Variants in PKHD1L1 observed in about 807,000 individuals in gnomAD.
The protein encoded by PKHD1L1 is fibrocystin-L.
PKHD1L1 carries 434 observed loss-of-function variants against 462.9 expected under a neutral mutation model. That is an observed-to-expected ratio of 0.94 (90% CI 0.87 to 1.02). PKHD1L1 has a LOEUF of 1.02. Among genes scored for constraint, PKHD1L1 ranks in the 50% least tolerant of loss-of-function variants. The pLI is 0.00. For missense variants in PKHD1L1, 5,202 were observed against 5,096.1 expected (o/e 1.02, Z -0.63); for synonymous variants, 1,781 against 1,750.0 (o/e 1.02, Z -0.44).
Position 109,464,733 on chromosome 8 carries a change from A to G in PKHD1L1, c.7901A>G (p.Gln2634Arg), listed in dbSNP as rs776431128. ...MWIFEEYFPMQTGSCTSTVPA... is the reference protein window; with the variant it reads ...MWIFEEYFPMRTGSCTSTVPA... ...ATCTTTGAGGAATATTTCCCCATGC[A>G]AACGGGATCTTGTACATCTACAGTG... is the stretch of plus-strand genomic sequence containing the variant. The change falls in exon 49 of 78, where the codon CAA becomes CGA. Residue 2634 changes from glutamine to arginine, a missense_variant. This residue lies in a region of PKHD1L1 where 4,497 missense variants were observed against 4,336.8 expected (regional missense o/e 1.04). Coordinates refer to ENST00000378402, the MANE Select transcript of PKHD1L1 (RefSeq NM_177531.6). The G allele has an allele frequency of 2.5e-6, 4 of 1,613,774 alleles. No homozygotes were observed. In the African/African-American group the frequency reaches 4.0e-5, roughly 16 times the overall value.
In PKHD1L1 at chr8:109,396,756, A is replaced by G. The variant is rs140806588; in HGVS notation, c.922+619A>G. Among the ~76,000 whole-genome samples, 44 of 152,304 alleles carry G rather than the reference A, an allele frequency of 2.9e-4. No individual in the cohort carries two copies. In the East Asian group the frequency reaches 7.7e-3, roughly 27 times the overall value. On this transcript the variant is annotated intron_variant, in intron 11 of 77. Transcript: ENST00000378402. ...AAAAGAGGTGAATGTGATTGTGGGA[A>G]TCTTCCCATTCAGCCATAATGACAT... is the stretch of plus-strand genomic sequence containing the variant.
intron 19 of PKHD1L1, 75 bp from the exon 20 acceptor site, chr8:109,412,189 TG>T (rs1210939980): frequency 2.0e-6 from 3 of 1,475,750 alleles, no homozygotes; most frequent in Non-Finnish European, 2.8e-6. Flanking sequence ...GAACCTTGAG[TG>T]GTTTGGGTGC....
intron 63 of PKHD1L1, among the ~76,000 whole-genome samples, chr8:109,496,498 A>G (rs976156025): frequency 6.6e-6 from 1 of 152,214 alleles, no homozygotes; most frequent in East Asian, 1.9e-4. Context: ...TTAATCTTTA[A>G]TCAGATAAAA....
rs1326796338 is a variant in PKHD1L1 at position 109,536,069 on chromosome 8, G to A, written c.*5979G>A. Among the ~76,000 whole-genome samples the A allele has an allele frequency of 2.0e-5, 3 of 152,154 alleles. No homozygotes were observed. Among genetic ancestry groups the A allele is most frequent in the Non-Finnish European group, 4.4e-5 (3 of 68,020 alleles). ...GTTTCCCTTTGTTAATATATTGCTA[G>A]TAGACATGTCTACTTCTGGTTGCTG... On this transcript the variant is annotated 3_prime_UTR_variant, in exon 78 of 78. Transcript: ENST00000378402.
At chr8:109,365,153 G>A (rs1811168580) in intron 2 of PKHD1L1, among the ~76,000 whole-genome samples, 1 of 152,136 alleles carries the variant, frequency 6.6e-6, no homozygotes, top group Non-Finnish European at 1.5e-5. Flanking sequence ...CCTGGTCTTA[G>A]GATGAAATGT....
rs201698307 is a variant in PKHD1L1, at chr8:109,400,215, A to T, written c.1152A>T (p.Glu384Asp). The change falls in exon 13 of 78, where the codon GAA becomes GAT. Residue 384 changes from glutamate to aspartate, a missense_variant. Around this residue, in one of 3 missense-constraint regions of PKHD1L1, gnomAD observed 4,497 missense variants for 4,336.8 expected, o/e 1.04. Coordinates refer to ENST00000378402, the MANE Select transcript of PKHD1L1 (RefSeq NM_177531.6). ...VDSASYIWLM[E>D]QDTFVARFSG... is the part of the protein sequence containing the mutation. ...CAGCTTCCTATATTTGGCTCATGGAACAAGACACATTTGTTGCACGCTTTA... is the reference window on the plus strand; with the variant it reads ...CAGCTTCCTATATTTGGCTCATGGATCAAGACACATTTGTTGCACGCTTTA... 417 of 1,613,566 alleles carry T rather than the reference A, an allele frequency of 2.6e-4. No homozygotes were observed. Among genetic ancestry groups the T allele is most frequent in the Non-Finnish European group, 2.9e-4 (338 of 1,179,694 alleles).
intron 2 of PKHD1L1, among the ~76,000 whole-genome samples, chr8:109,375,566 G>A (rs1811772003): frequency 6.6e-6 from 1 of 152,178 alleles, no homozygotes; most frequent in African/African-American, 2.4e-5. Flanking sequence ...CTTTGGAGGA[G>A]GAGAGGTGCT....
At chr8:109,477,467 G>T in intron 53 of PKHD1L1, 71 bp downstream of exon 53, 1 of 1,345,558 alleles carries the variant, frequency 7.4e-7, no homozygotes, top group South Asian at 1.4e-5. Flanking sequence ...GTCACTCCTG[G>T]GTGAAATAAT....
intron 73 of PKHD1L1, among the ~76,000 whole-genome samples, chr8:109,519,884 C>T (rs1820460121): frequency 1.3e-5 from 2 of 152,150 alleles, no homozygotes; most frequent in African/African-American, 4.8e-5. Flanking sequence ...TGTTCAGTCA[C>T]TTTATCATTA....
chr8:109,530,092 G>A lies in PKHD1L1; in HGVS notation c.*2G>A, dbSNP rs1488789888. On this transcript the variant is annotated 3_prime_UTR_variant, in exon 78 of 78. Transcript: ENST00000378402. Reference sequence around the variant, plus strand: ...TTCCATTTTTCAGGAAGCTACTAAAGTGCTGTTCCGAAGAATAGGCTGAAA... The same window carrying A: ...TTCCATTTTTCAGGAAGCTACTAAAATGCTGTTCCGAAGAATAGGCTGAAA... The A allele has an allele frequency of 7.3e-7, 1 of 1,363,402 alleles. No individual in the cohort carries two copies. The highest frequency in any genetic ancestry group is 9.6e-7 in the Non-Finnish European group (1 of 1,039,000). The allele number at this position is 1,363,402 out of a possible 1,614,324, so 84.5% of individuals were successfully genotyped here.
In PKHD1L1 at chr8:109,445,575, T is replaced by C; in HGVS notation, c.5706T>C (p.Ala1902=). ...TTAAAATCTTTGTTAATACAATTGC[T>C]TATCCACCTTTGCTTTTTACATATG... ...VDVKIFVNTI[A]YPPLLFTYAL... is the part of the protein sequence containing the mutation. The change falls in exon 38 of 78, where the codon GCT becomes GCC. Residue 1902 remains alanine, a synonymous_variant. Coordinates refer to ENST00000378402, the MANE Select transcript of PKHD1L1 (RefSeq NM_177531.6). 1 of 1,611,386 alleles carries C rather than the reference T, an allele frequency of 6.2e-7. No homozygotes were observed. The highest frequency in any genetic ancestry group is 8.5e-7 in the Non-Finnish European group (1 of 1,178,454).
Position 109,508,124 on chromosome 8 carries a change from A to G in PKHD1L1, c.11255A>G (p.Tyr3752Cys), listed in dbSNP as rs1819790110. 1 of 1,611,814 alleles carries G rather than the reference A, an allele frequency of 6.2e-7. No individual in the cohort carries two copies. The highest frequency in any genetic ancestry group is 8.5e-7 in the Non-Finnish European group (1 of 1,178,758). Residue 3752 changes from tyrosine to cysteine, a missense_variant, in exon 70 of 78, where the codon TAC becomes TGC. Coordinates refer to ENST00000378402, the MANE Select transcript of PKHD1L1 (RefSeq NM_177531.6). ...ATTATTAGAGATTCAACCTGTAAGT[A>G]CCTTCCAGAGTGGCAGAGCTATCAG... ...KGIIRDSTCK[Y>C]LPEWQSYQCF...
chr8:109,433,312 TATC>T, intron 28 of PKHD1L1, 96 bp downstream of exon 28: 1 of 1,046,954 alleles, frequency 9.6e-7, no homozygotes, highest in Admixed American at 2.0e-5. Context: ...CGTGTACAAT[TATC>T]ATGATCCAGT....
At chr8:109,363,068 T>C (rs1234900813) in intron 1 of PKHD1L1, among the ~76,000 whole-genome samples, 1 of 152,032 alleles carries the variant, frequency 6.6e-6, no homozygotes, top group Non-Finnish European at 1.5e-5. Context: ...CAACCCCCAG[T>C]AGGACGGGGA....
Position 109,444,685 on chromosome 8 carries a change from G to A in PKHD1L1, c.4816G>A (p.Val1606Ile). ...NKVTIGSYPC[V>I]VEESSEDSIT... Reference sequence around the variant, plus strand: ...GGTTACAATTGGTAGCTACCCCTGTGTCGTAGAAGAAAGTAGTGAGGATTC... The same window carrying A: ...GGTTACAATTGGTAGCTACCCCTGTATCGTAGAAGAAAGTAGTGAGGATTC... The change falls in exon 38 of 78, where the codon GTC becomes ATC. Residue 1606 changes from valine to isoleucine, a missense_variant. Physicochemically the swap from Val to Ile is conservative, Grantham distance 29 (BLOSUM62 3). This residue lies in a region of PKHD1L1 where 4,497 missense variants were observed against 4,336.8 expected (regional missense o/e 1.04). Transcript: ENST00000378402. 1 of 1,613,578 alleles carries A rather than the reference G, an allele frequency of 6.2e-7. No individual in the cohort carries two copies. The highest frequency in any genetic ancestry group is 8.5e-7 in the Non-Finnish European group (1 of 1,179,614).
chr8:109,522,292 T>C lies in PKHD1L1; in HGVS notation c.12138T>C (p.Ser4046=). 1 of 1,608,130 alleles carries C rather than the reference T, an allele frequency of 6.2e-7. No homozygotes were observed. Among genetic ancestry groups the C allele is most frequent in the Non-Finnish European group, 8.5e-7 (1 of 1,176,086 alleles). The part of the protein sequence containing the change: ...SILGFNISSM[S]ITNPLPSPSD... Reference sequence around the variant, plus strand: ...TTGGATTTAACATTTCGTCCATGTCTATTACTAATCCCCTCCCCAGCCCAA... The same window carrying C: ...TTGGATTTAACATTTCGTCCATGTCCATTACTAATCCCCTCCCCAGCCCAA... The change falls in exon 74 of 78, where the codon TCT becomes TCC. Residue 4046 remains serine (S), a synonymous_variant. Coordinates refer to ENST00000378402, the MANE Select transcript of PKHD1L1 (RefSeq NM_177531.6).
chr8:109,494,337 T>C (rs531704226), intron 63 of PKHD1L1, among the ~76,000 whole-genome samples: 4 of 152,050 alleles, frequency 2.6e-5, no homozygotes, highest in African/African-American at 9.6e-5. Context: ...CATGACAACA[T>C]CTACCAAAAT....
chr8:109,480,469 A>G, intron 55 of PKHD1L1: 1 of 421,504 alleles, frequency 2.4e-6, no homozygotes, highest in Admixed American at 3.0e-5. Context: ...TGAAACAAGT[A>G]AAAGAATTTA....
chr8:109,396,502 C>A (rs796635348), intron 11 of PKHD1L1, among the ~76,000 whole-genome samples: 6 of 152,296 alleles, frequency 3.9e-5, no homozygotes, highest in African/African-American at 1.4e-4. Flanking sequence ...AGCGAGTTAG[C>A]TAATTGTGAG....
Sources: gnomAD v4.1 joint callset for allele counts (sites outside exome capture counted in the v4.1 genomes callset) on GRCh38, gnomAD v4.1.1 for gene constraint, gnomAD v4.1.1 regional missense constraint, MANE v1.5 for transcripts, NCBI Gene and HGNC (gene_info 2026-07-23, HGNC 2026-07-21) for gene names.